ELAPOR1: variants seen among roughly 807,000 people sequenced by gnomAD.
ELAPOR1 encodes endosome-lysosome associated apoptosis and autophagy regulator 1, also known as endosome/lysosome-associated apoptosis and autophagy regulator 1.
ELAPOR1 carries 77 observed loss-of-function variants against 119.7 expected under a neutral mutation model. The observed-to-expected ratio is 0.64, with a 90% confidence interval of 0.54 to 0.78. The LOEUF (loss-of-function observed/expected upper bound fraction) is 0.78, where lower values mean the gene tolerates loss of function less well. Among genes scored for constraint, ELAPOR1 ranks in the 30% least tolerant of loss-of-function variants. The pLI is 0.00. For missense variants in ELAPOR1, 1,115 were observed against 1,270.4 expected, an observed-to-expected ratio of 0.88 and a Z score of 1.86; for synonymous variants, 481 against 487.2, an observed-to-expected ratio of 0.99 and a Z score of 0.17.
chr1:109,189,011 C>G, intron 9 of ELAPOR1, 55 bp from the exon 10 acceptor site: 1 of 1,598,006 alleles, frequency 6.3e-7, no homozygotes, highest in Non-Finnish European at 8.5e-7. Flanking sequence ...CAGCTCCAGT[C>G]AGAGTGACTG....
At chr1:109,185,901 A>C (rs926449564) in intron 8 of ELAPOR1, among the ~76,000 whole-genome samples, 12 of 152,184 alleles carry the variant, frequency 7.9e-5, no homozygotes, top group African/African-American at 2.7e-4. Context: ...ATATTTATCG[A>C]GGAGCGACTC....
At chr1:109,147,965 G>C (rs1459396906) in intron 1 of ELAPOR1, among the ~76,000 whole-genome samples, 1 of 150,586 alleles carries the variant, frequency 6.6e-6, no homozygotes, top group Non-Finnish European at 1.5e-5. Context: ...AAGTAGCTGG[G>C]ACTACAGGTG....
rs190212090 is a variant in ELAPOR1, at chr1:109,147,185, G to A, written c.154-14709G>A. Among the ~76,000 whole-genome samples the A allele has an allele frequency of 3.3e-5, 5 of 152,004 alleles. No homozygotes were observed. The East Asian group carries it at 9.7e-4, about 29-fold the overall frequency. On this transcript the variant is annotated intron_variant, in intron 1 of 21. Transcript: ENST00000369939. ...CCCACCTCAGCCTCCCAAAGTGCTGGGATTATAGGCATGAGCCACCACGCC... is the reference window on the plus strand; with the variant it reads ...CCCACCTCAGCCTCCCAAAGTGCTGAGATTATAGGCATGAGCCACCACGCC...
intron 1 of ELAPOR1, among the ~76,000 whole-genome samples, chr1:109,140,041 G>A (rs1649732557): frequency 1.3e-5 from 2 of 152,168 alleles, no homozygotes; most frequent in South Asian, 4.1e-4. Flanking sequence ...GGGATTACAG[G>A]CGTGAGCCAC....
At chr1:109,145,149 A>C (rs1487751255) in intron 1 of ELAPOR1, among the ~76,000 whole-genome samples, 1 of 152,096 alleles carries the variant, frequency 6.6e-6, no homozygotes, top group East Asian at 1.9e-4. Context: ...ATAAAGGAGC[A>C]TGACAGGGGC....
At chr1:109,184,988 C>T (rs1367994598) in intron 7 of ELAPOR1, 57 bp from the exon 8 acceptor site, 2 of 1,374,618 alleles carry the variant, frequency 1.5e-6, no homozygotes, top group Non-Finnish European at 2.1e-6. Context: ...ATGAAGAGGC[C>T]AGGAGCTCAG....
At chr1:109,200,471 T>C (rs993827325) in intron 20 of ELAPOR1, among the ~76,000 whole-genome samples, 1 of 152,188 alleles carries the variant, frequency 6.6e-6, no homozygotes, top group Non-Finnish European at 1.5e-5. Flanking sequence ...TTGCTATTAT[T>C]AACAGTACAG....
In ELAPOR1 at chr1:109,199,975, A is replaced by G. The variant is rs767363870; in HGVS notation, c.2623A>G (p.Ile875Val). The change falls in exon 19 of 22, where the codon ATC becomes GTC. Residue 875 changes from isoleucine (I) to valine (V), a missense_variant. By Grantham distance (29) the Ile-to-Val change is conservative. Transcript: ENST00000369939. ...HAIVSSCVAGIQKTTYVWREP... is the reference protein window; with the variant it reads ...HAIVSSCVAGVQKTTYVWREP... ...TATCGTCAGCAGCTGTGTGGCTGGG[A>G]TCCAGGTGGGTTTCCCTCTGATCGG... 1.9e-6 allele frequency: 3 copies of G among 1,614,080 alleles called. No individual in the cohort carries two copies. The highest frequency in any genetic ancestry group is 2.2e-5 in the East Asian group (1 of 44,886).
Position 109,144,061 on chromosome 1 carries a change from A to ATATATATATTTT in ELAPOR1, c.154-17832_154-17831insATATATATTTTT. On this transcript the variant is annotated intron_variant, in intron 1 of 21. Coordinates refer to ENST00000369939, the MANE Select transcript of ELAPOR1 (RefSeq NM_020775.5). Reference sequence around the variant, plus strand: ...TATATATATATATATATATTTATATATTTTTTTTTTTTTTTGAGATGGAGT... The same window carrying ATATATATATTTT: ...TATATATATATATATATATTTATATATATATATATTTTTTTTTTTTTTTTTTTGAGATGGAGT... 5.3e-4 allele frequency among the ~76,000 whole-genome samples: 47 copies of ATATATATATTTT among 88,984 alleles called. 3 individuals carry two copies. The highest frequency in any genetic ancestry group is 7.6e-4 in the Non-Finnish European group (36 of 47,402). 58.4% of individuals were successfully genotyped at this position (88,984 alleles called of 152,430 possible). A position where few individuals can be genotyped will look rare whatever the true frequency, so the allele number is the denominator to read the frequency against.
intron 16 of ELAPOR1, 77 bp from the exon 17 acceptor site, chr1:109,197,902 G>A: frequency 7.9e-7 from 1 of 1,269,276 alleles, no homozygotes; most frequent in East Asian, 2.3e-5. Flanking sequence ...GTTGGATGTT[G>A]ACAGGTATTG....
At chr1:109,159,832 A>G (rs1422840539) in intron 1 of ELAPOR1, among the ~76,000 whole-genome samples, 1 of 152,348 alleles carries the variant, frequency 6.6e-6, no homozygotes, top group East Asian at 1.9e-4. Flanking sequence ...AAAGACCAGC[A>G]TGAATATGTT....
Position 109,194,290 on chromosome 1 carries a change from T to C in ELAPOR1, c.1948-131T>C, listed in dbSNP as rs57765677. 5,363 of 717,562 alleles carry C rather than the reference T, an allele frequency of 7.5e-3. 209 individuals are homozygous for C. In the African/African-American group the frequency reaches 0.082, roughly 11 times the overall value. 44.4% of individuals were successfully genotyped at this position (717,562 alleles called of 1,614,324 possible). A position where few individuals can be genotyped will look rare whatever the true frequency, so the allele number is the denominator to read the frequency against. ...CTGTTTCACTTCTTTTACTAGCCAC[T>C]CCTAATCCTTTCTTCCTCCTCTTGA... On this transcript the variant is annotated intron_variant, in intron 14 of 21. Coordinates refer to ENST00000369939, the MANE Select transcript of ELAPOR1 (RefSeq NM_020775.5).
chr1:109,177,047 T>C (rs1398488596), intron 7 of ELAPOR1, among the ~76,000 whole-genome samples: 1 of 142,156 alleles, frequency 7.0e-6, no homozygotes, highest in East Asian at 2.0e-4. Context: ...CTCAATCTTT[T>C]CCCCACCTTT....
intron 14 of ELAPOR1, among the ~76,000 whole-genome samples, chr1:109,193,921 G>A (rs1191576190): frequency 6.6e-6 from 1 of 152,182 alleles, no homozygotes; most frequent in Non-Finnish European, 1.5e-5. Flanking sequence ...CAATGAATGG[G>A]TTTATGGGAA....
At chr1:109,144,241 G>A (rs1005517789) in intron 1 of ELAPOR1, among the ~76,000 whole-genome samples, 9 of 149,268 alleles carry the variant, frequency 6.0e-5, no homozygotes, top group Non-Finnish European at 8.9e-5. Flanking sequence ...TTGTAGAGAC[G>A]GGGCTTCTCC....
chr1:109,179,764 G>T (rs1485640441), intron 7 of ELAPOR1, among the ~76,000 whole-genome samples: 1 of 152,012 alleles, frequency 6.6e-6, no homozygotes, highest in Non-Finnish European at 1.5e-5. Flanking sequence ...AAATTAGCTG[G>T]GTGTGGTGGC....
intron 7 of ELAPOR1, among the ~76,000 whole-genome samples, chr1:109,174,447 A>AAAAAAC (rs1652130595): frequency 7.2e-6 from 1 of 139,210 alleles, no homozygotes. Flanking sequence ...AAAAAAAAAA[A>AAAAAAC]ATCATTCAAT....
chr1:109,147,303 G>A lies in ELAPOR1; in HGVS notation c.154-14591G>A, dbSNP rs572361855. On this transcript the variant is annotated intron_variant, in intron 1 of 21. Transcript: ENST00000369939. ...TATCCAGCCATGAAAAGATATGGAGGAAGCTTGAATGCCTATTACTAAGTG... is the reference window on the plus strand; with the variant it reads ...TATCCAGCCATGAAAAGATATGGAGAAAGCTTGAATGCCTATTACTAAGTG... Among the ~76,000 whole-genome samples, 215 of 152,188 alleles carry A rather than the reference G, an allele frequency of 1.4e-3. 1 individual carries two copies. The highest frequency in any genetic ancestry group is 2.6e-3 in the Non-Finnish European group (175 of 68,026).
chr1:109,150,161 T>C (rs936622392), intron 1 of ELAPOR1, among the ~76,000 whole-genome samples: 3 of 152,194 alleles, frequency 2.0e-5, no homozygotes, highest in Non-Finnish European at 4.4e-5. Context: ...AGCGTGGTGA[T>C]ACAAACTACC....
Sources: allele counts gnomAD v4.1 joint callset (sites outside exome capture counted in the v4.1 genomes callset), GRCh38; gene constraint gnomAD v4.1.1; transcripts MANE v1.5; gene names NCBI Gene and HGNC (gene_info 2026-07-23, HGNC 2026-07-21).